IFT43: variants seen among roughly 807,000 people sequenced by gnomAD.
IFT43 encodes the protein intraflagellar transport protein 43 homolog.
In IFT43, 33 loss-of-function variants were observed where a neutral mutation model predicts 32.3. The observed-to-expected ratio is 1.02, with a 90% confidence interval of 0.77 to 1.37. The LOEUF (loss-of-function observed/expected upper bound fraction) is 1.37, where lower values mean the gene tolerates loss of function less well. Ranked by LOEUF, IFT43 falls within the 40% of genes most tolerant of loss-of-function variation. IFT43 has a pLI of 0.00. For synonymous variants in IFT43, 93 were observed against 98.2 expected, an observed-to-expected ratio of 0.95 and a Z score of 0.31; for missense variants, 274 against 265.9, an observed-to-expected ratio of 1.03 and a Z score of -0.21.
In IFT43 at chr14:76,083,268, G is replaced by A. The variant is rs143729954; in HGVS notation, c.486G>A (p.Ala162=). 4.7e-4 allele frequency: 754 copies of A among 1,614,000 alleles called. 6 individuals are homozygous for A. In the East Asian group the frequency reaches 0.012, roughly 27 times the overall value. ...IDLKLLTKVL[A]PEHEVREDDV... ...TGAAACTCCTCACCAAAGTGCTCGCGCCGGAGCACGAAGTCCGGGAGGTAC... is the reference window on the plus strand; with the variant it reads ...TGAAACTCCTCACCAAAGTGCTCGCACCGGAGCACGAAGTCCGGGAGGTAC... Residue 162 remains alanine, a synonymous_variant, in exon 8 of 9, where the codon GCG becomes GCA. Coordinates refer to ENST00000314067, the MANE Select transcript of IFT43 (RefSeq NM_001102564.3).
intron 3 of IFT43, among the ~76,000 whole-genome samples, chr14:76,035,411 T>C (rs1225551951): frequency 3.3e-5 from 5 of 152,178 alleles, no homozygotes; most frequent in Non-Finnish European, 7.4e-5. Flanking sequence ...AACTGCTGTG[T>C]GCTGGTCCCG....
intron 3 of IFT43, chr14:76,058,211 T>C (rs2037060459): frequency 1.1e-5 from 3 of 263,060 alleles, no homozygotes; most frequent in Non-Finnish European, 2.2e-5. Flanking sequence ...GTCTGAAGCC[T>C]GAACTGCGAG....
At position 76,083,250 on chromosome 14, in the gene IFT43, C is replaced by A. The variant is rs563086463; in HGVS notation, c.468C>A (p.Leu156=). ...QTLDGEIDLK[L]LTKVLAPEHE... is the part of the protein sequence containing the mutation. ...AGGATGGGGAGATCGACCTGAAACT[C>A]CTCACCAAAGTGCTCGCGCCGGAGC... The change falls in exon 8 of 9, where the codon CTC becomes CTA. Residue 156 remains leucine, a synonymous_variant. Coordinates refer to ENST00000314067, the MANE Select transcript of IFT43 (RefSeq NM_001102564.3). 1 of 1,614,158 alleles carries A rather than the reference C, an allele frequency of 6.2e-7. No homozygotes were observed. The highest frequency in any genetic ancestry group is 1.7e-5 in the Admixed American group (1 of 60,026).
intron 3 of IFT43, among the ~76,000 whole-genome samples, chr14:76,052,837 C>T (rs1034799432): frequency 6.6e-6 from 1 of 152,186 alleles, no homozygotes; most frequent in East Asian, 1.9e-4. Flanking sequence ...CCAACATTAA[C>T]TACCAGATCA....
intron 3 of IFT43, among the ~76,000 whole-genome samples, chr14:76,030,235 T>TC (rs1726569584): frequency 6.8e-6 from 1 of 147,266 alleles, no homozygotes; most frequent in African/African-American, 2.7e-5. Flanking sequence ...ATCATCACAG[T>TC]TTTTTTTTCT....
intron 3 of IFT43, among the ~76,000 whole-genome samples, chr14:76,043,769 G>A (rs914453332): frequency 6.6e-6 from 1 of 152,212 alleles, no homozygotes; most frequent in Non-Finnish European, 1.5e-5. Context: ...CTAGCTGGCT[G>A]TTCTACAGTT....
At chr14:76,015,172 CAG>C (rs1339221160) in intron 2 of IFT43, among the ~76,000 whole-genome samples, 1 of 152,194 alleles carries the variant, frequency 6.6e-6, no homozygotes, top group Non-Finnish European at 1.5e-5. Flanking sequence ...CTCATCCAGA[CAG>C]GGTATTTGTG....
At chr14:76,052,388 T>C (rs2036931308) in intron 3 of IFT43, among the ~76,000 whole-genome samples, 1 of 152,212 alleles carries the variant, frequency 6.6e-6, no homozygotes, top group African/African-American at 2.4e-5. Context: ...AGGCCTCTTC[T>C]GTCTGGTGAA....
At chr14:76,002,426 G>T (rs1409366091) in intron 2 of IFT43, among the ~76,000 whole-genome samples, 1 of 152,090 alleles carries the variant, frequency 6.6e-6, no homozygotes, top group Non-Finnish European at 1.5e-5. Flanking sequence ...AGGGAAAGAA[G>T]TGACACCAAG....
intron 2 of IFT43, among the ~76,000 whole-genome samples, chr14:76,004,445 A>G (rs1053937282): frequency 1.3e-5 from 2 of 151,808 alleles, no homozygotes; most frequent in East Asian, 1.9e-4. Flanking sequence ...TGGCTGCTTT[A>G]AAGATTTTGT....
chr14:76,058,218 C>T (rs549589798), intron 3 of IFT43: 18 of 260,266 alleles, frequency 6.9e-5, no homozygotes, highest in South Asian at 3.6e-4. Context: ...GCCTGAACTG[C>T]GAGGCGAGGA....
At chr14:76,038,552 A>C (rs183913758) in intron 3 of IFT43, among the ~76,000 whole-genome samples, 12 of 152,316 alleles carry the variant, frequency 7.9e-5, no homozygotes, top group African/African-American at 2.9e-4. Flanking sequence ...TGATAGAGGA[A>C]GAGCTAGATA....
At chr14:76,070,021 G>T (rs961434389) in intron 5 of IFT43, among the ~76,000 whole-genome samples, 29 of 152,352 alleles carry the variant, frequency 1.9e-4, no homozygotes, top group African/African-American at 7.0e-4. Flanking sequence ...CTAGCCAGGG[G>T]CAGTTGAAGA....
In IFT43 at chr14:75,999,254, TATATATATATATATATATGTATATA is replaced by T. The variant is rs1169921086; in HGVS notation, c.147+10278_147+10302del. On this transcript the variant is annotated intron_variant, in intron 2 of 8. Coordinates refer to ENST00000314067, the MANE Select transcript of IFT43 (RefSeq NM_001102564.3). The stretch of plus-strand genomic sequence containing the variant: ...ATATATATATATATATATATATATA[TATATATATATATATATATGTATATA>T]TATTTTTTTTTTTTTTTTTTTAATT... Among the ~76,000 whole-genome samples, 91 of 9,990 alleles carry T rather than the reference TATATATATATATATATATGTATATA, an allele frequency of 9.1e-3. 3 individuals are homozygous for T. The highest frequency in any genetic ancestry group is 0.033 in the African/African-American group (84 of 2,548). The allele number at this position is 9,990 out of a possible 152,430, so 6.6% of individuals were successfully genotyped here.
At chr14:76,073,774 T>C (rs1392749744) in intron 5 of IFT43, among the ~76,000 whole-genome samples, 2 of 152,172 alleles carry the variant, frequency 1.3e-5, no homozygotes, top group Admixed American at 1.3e-4. Context: ...CAAGGCGAAC[T>C]CCTTTGAAAA....
intron 2 of IFT43, among the ~76,000 whole-genome samples, chr14:76,016,100 A>G (rs1171407009): frequency 2.0e-5 from 3 of 152,074 alleles, no homozygotes; most frequent in African/African-American, 7.2e-5. Flanking sequence ...TAGTTTGCAG[A>G]TATCTTCTCC....
At chr14:76,076,843 A>C in intron 5 of IFT43, 10 of 823,112 alleles carry the variant, frequency 1.2e-5, no homozygotes, top group Non-Finnish European at 1.8e-5. Flanking sequence ...CCAACAGCTC[A>C]CATCTTTGAA....
At chr14:76,016,569 G>A (rs2036192392) in intron 2 of IFT43, among the ~76,000 whole-genome samples, 1 of 151,994 alleles carries the variant, frequency 6.6e-6, no homozygotes, top group African/African-American at 2.4e-5. Flanking sequence ...AAATTTTAGG[G>A]TTGTTTTTTC....
chr14:76,064,380 A>G (rs1387628959), intron 5 of IFT43, among the ~76,000 whole-genome samples: 3 of 152,212 alleles, frequency 2.0e-5, no homozygotes, highest in African/African-American at 7.2e-5. Context: ...TTCTTCAGCC[A>G]TTGGTTGCAT....
Sources: allele counts gnomAD v4.1 joint callset (sites outside exome capture counted in the v4.1 genomes callset), GRCh38; gene constraint gnomAD v4.1.1; transcripts MANE v1.5; gene names NCBI Gene and HGNC (gene_info 2026-07-23, HGNC 2026-07-21).